The following PRIM2 variants were observed in gnomAD, a reference collection of about 807,000 sequenced individuals.
PRIM2 encodes the protein DNA primase subunit 2.
Under a neutral mutation model 67.3 loss-of-function variants are expected in PRIM2, and 39 were observed. The observed-to-expected ratio is 0.58, with a 90% CI of 0.45 to 0.76. The LOEUF (loss-of-function observed/expected upper bound fraction) is 0.76, where lower values mean the gene tolerates loss of function less well. PRIM2 is among the 30% of genes least tolerant of loss of function. The pLI is 0.00. For missense variants in PRIM2, 398 were observed against 598.7 expected (o/e 0.66, Z 3.50); for synonymous variants, 143 against 198.7 (o/e 0.72, Z 2.36).
At chr6:57,638,468 G>A (rs1777162000) in intron 13 of PRIM2, among the ~76,000 whole-genome samples, 1 of 149,748 alleles carries the variant, frequency 6.7e-6, no homozygotes, top group Non-Finnish European at 1.5e-5. Flanking sequence ...ATTGGATGAA[G>A]AGTCAAGACC....
chr6:57,562,839 A>G (rs1314412988), intron 10 of PRIM2, among the ~76,000 whole-genome samples: 1 of 152,264 alleles, frequency 6.6e-6, no homozygotes, highest in East Asian at 1.9e-4. Context: ...CCTTGAAAGT[A>G]TGAAAGTATA....
rs1775005926 is a variant in PRIM2 at position 57,536,490 on chromosome 6, G to T, written c.835-950G>T. Among the ~76,000 whole-genome samples, 8 of 152,246 alleles carry T rather than the reference G, an allele frequency of 5.3e-5. No homozygotes were observed. In the South Asian group the frequency reaches 1.4e-3, roughly 28 times the overall value. On this transcript the variant is annotated intron_variant, in intron 9 of 13. Transcript: ENST00000615550. ...AAAGTTCATCTGCTATTCAGCAATT[G>T]TACTTTTATCTCAGGGAAATGAAAT...
At chr6:57,417,563 A>T (rs2894854) in intron 7 of PRIM2, among the ~76,000 whole-genome samples, 2 of 151,932 alleles carry the variant, frequency 1.3e-5, no homozygotes, top group Admixed American at 6.5e-5. Flanking sequence ...AGAGAGACAA[A>T]GGAATGGCTG....
intron 5 of PRIM2, among the ~76,000 whole-genome samples, chr6:57,337,354 G>C (rs565027610): frequency 6.6e-6 from 1 of 151,968 alleles, no homozygotes; most frequent in Non-Finnish European, 1.5e-5. Flanking sequence ...TCTGCACCAA[G>C]CAGACCTAAT....
chr6:57,411,796 A>AT (rs1771096921), intron 7 of PRIM2, among the ~76,000 whole-genome samples: 2 of 151,586 alleles, frequency 1.3e-5, no homozygotes, highest in African/African-American at 4.8e-5. Context: ...GGGCTATCTG[A>AT]TTTTGGTATC....
chr6:57,417,657 T>C (rs1771312053), intron 7 of PRIM2, among the ~76,000 whole-genome samples: 1 of 152,098 alleles, frequency 6.6e-6, no homozygotes, highest in African/African-American at 2.4e-5. Flanking sequence ...CCCAAAACAA[T>C]TACATTAGTA....
intron 7 of PRIM2, among the ~76,000 whole-genome samples, chr6:57,384,312 T>C (rs978380456): frequency 6.6e-6 from 1 of 152,188 alleles, no homozygotes; most frequent in African/African-American, 2.4e-5. Flanking sequence ...CTTTGACTTG[T>C]GGCAACATAA....
chr6:57,344,659 C>A (rs1207151792), intron 5 of PRIM2, among the ~76,000 whole-genome samples: 1 of 152,090 alleles, frequency 6.6e-6, no homozygotes, highest in Non-Finnish European at 1.5e-5. Flanking sequence ...ATTTATTGGG[C>A]AGTTACAGTA....
At chr6:57,329,915 T>C (rs1293118626) in intron 5 of PRIM2, among the ~76,000 whole-genome samples, 1 of 152,228 alleles carries the variant, frequency 6.6e-6, no homozygotes, top group Non-Finnish European at 1.5e-5. Context: ...TGTGGCTTTA[T>C]TGTTAAGATT....
intron 7 of PRIM2, among the ~76,000 whole-genome samples, chr6:57,492,551 A>AAAAT (rs1554346075): frequency 2.6e-5 from 4 of 151,218 alleles, no homozygotes; most frequent in Non-Finnish European, 5.9e-5. Context: ...CTAAAAAAAA[A>AAAAT]AAATAAATAA....
chr6:57,518,373 A>G (rs1774532328), intron 8 of PRIM2, among the ~76,000 whole-genome samples: 1 of 152,134 alleles, frequency 6.6e-6, no homozygotes, highest in South Asian at 2.1e-4. Context: ...TCACTATGTT[A>G]TGTTTTCTTC....
intron 5 of PRIM2, among the ~76,000 whole-genome samples, chr6:57,362,390 T>C (rs2127313865): frequency 6.6e-6 from 1 of 152,336 alleles, no homozygotes; most frequent in East Asian, 1.9e-4. Flanking sequence ...TCTTATTGCT[T>C]GAATAAACGT....
At chr6:57,389,991 A>G (rs2397264) in intron 7 of PRIM2, 2 of 154,880 alleles carry the variant, frequency 1.3e-5, no homozygotes, top group Non-Finnish European at 1.5e-5. Context: ...CAGCAAATCC[A>G]TCAATATGCA....
At chr6:57,475,291 A>G (rs1773450588) in intron 7 of PRIM2, among the ~76,000 whole-genome samples, 1 of 152,198 alleles carries the variant, frequency 6.6e-6, no homozygotes, top group Non-Finnish European at 1.5e-5. Flanking sequence ...GAGTTGTGCA[A>G]CCATCACTTC....
At chr6:57,470,398 C>T (rs2127401357) in intron 7 of PRIM2, among the ~76,000 whole-genome samples, 9 of 85,152 alleles carry the variant, frequency 1.1e-4, no homozygotes, top group Non-Finnish European at 1.4e-4. Flanking sequence ...GGGGCCTCTC[C>T]CCCTCTCCCC....
chr6:57,268,071 T>C, the PRIM2 span, among the ~76,000 whole-genome samples: 44 of 152,118 alleles, frequency 2.9e-4, no homozygotes, highest in Middle Eastern at 3.4e-3. Flanking sequence ...GCAGTTCAAG[T>C]GAGATGGATT....
intron 7 of PRIM2, among the ~76,000 whole-genome samples, chr6:57,430,012 A>T (rs1771764692): frequency 6.6e-6 from 1 of 152,186 alleles, no homozygotes; most frequent in Admixed American, 6.5e-5. Context: ...TCAGATGTAG[A>T]ACATTGCCAG....
At chr6:57,457,985 T>G (rs1169786763) in intron 7 of PRIM2, among the ~76,000 whole-genome samples, 1 of 152,264 alleles carries the variant, frequency 6.6e-6, no homozygotes, top group Admixed American at 6.5e-5. Context: ...GCTTAAAGTG[T>G]CTTAGATTCA....
chr6:57,232,065 C>G, the PRIM2 span, among the ~76,000 whole-genome samples: 43 of 152,206 alleles, frequency 2.8e-4, no homozygotes, highest in Non-Finnish European at 5.3e-4. Context: ...GATAATCTGT[C>G]TTGAATTTCT....
Sources: gnomAD v4.1 joint callset for allele counts (sites outside exome capture counted in the v4.1 genomes callset) on GRCh38, gnomAD v4.1.1 for gene constraint, MANE v1.5 for transcripts, NCBI Gene and HGNC (gene_info 2026-07-23, HGNC 2026-07-21) for gene names.